NT5C2: variants seen among roughly 807,000 people sequenced by gnomAD.
NT5C2 encodes the protein 5'-nucleotidase, cytosolic II, also known as cytosolic purine 5'-nucleotidase.
In NT5C2, 58 loss-of-function variants were observed where a neutral mutation model predicts 76.1. That is an observed-to-expected ratio of 0.76 (90% confidence interval 0.62 to 0.95). The LOEUF (loss-of-function observed/expected upper bound fraction) is 0.95, where lower values mean the gene tolerates loss of function less well. NT5C2 is among the 40% of genes least tolerant of loss of function. NT5C2 has a pLI of 0.00. For synonymous variants in NT5C2, 229 were observed against 237.4 expected, an observed-to-expected ratio of 0.96 and a Z score of 0.32; for missense variants, 478 against 690.3, an observed-to-expected ratio of 0.69 and a Z score of 3.45.
intron 1 of NT5C2, among the ~76,000 whole-genome samples, chr10:103,189,002 G>A (rs570398934): frequency 1.3e-5 from 2 of 149,512 alleles, no homozygotes; most frequent in African/African-American, 4.9e-5. Context: ...ACTCCGTCTC[G>A]GAAAAAAAAA....
chr10:103,129,946 C>G (rs1301548953), intron 4 of NT5C2, among the ~76,000 whole-genome samples: 2 of 138,628 alleles, frequency 1.4e-5, no homozygotes, highest in Non-Finnish European at 3.1e-5. Flanking sequence ...GTCAGCCCCC[C>G]CGCCCGGCCA....
chr10:103,172,752 T>C (rs1468745702), intron 3 of NT5C2, among the ~76,000 whole-genome samples: 3 of 152,146 alleles, frequency 2.0e-5, no homozygotes, highest in African/African-American at 7.2e-5. Flanking sequence ...TGAGAATTGC[T>C]TGAACCCAGG....
At chr10:103,187,349 G>T (rs1304625311) in intron 1 of NT5C2, among the ~76,000 whole-genome samples, 1 of 151,896 alleles carries the variant, frequency 6.6e-6, no homozygotes, top group African/African-American at 2.4e-5. Flanking sequence ...TTCAAGACCA[G>T]CTTGGCCAAA....
chr10:103,107,660 G>A (rs993896562), intron 4 of NT5C2, among the ~76,000 whole-genome samples: 2 of 151,666 alleles, frequency 1.3e-5, no homozygotes, highest in Non-Finnish European at 1.5e-5. Flanking sequence ...GTGACAGAGC[G>A]AGACTCTGTC....
Position 103,193,241 on chromosome 10 carries a change from C to T in NT5C2, c.-174G>A, listed in dbSNP as rs1236752960. ...ACGGGGCCCGCCGCACTCACCGGCT[C>T]CAGCGCACCGCAACAATCCCAGCGC... On this transcript the variant is annotated 5_prime_UTR_variant, in exon 1 of 19. Transcript: ENST00000404739. The T allele has an allele frequency of 1.3e-5, 2 of 152,524 alleles. No homozygotes were observed. Among genetic ancestry groups the T allele is most frequent in the Non-Finnish European group, 2.9e-5 (2 of 67,974 alleles). 9.4% of individuals were successfully genotyped at this position (152,524 alleles called of 1,614,324 possible).
Position 103,094,387 on chromosome 10 carries a change from G to A in NT5C2, c.882C>T (p.Leu294=), listed in dbSNP as rs900969733. ...DLILVDARKP[L]FFGEGTVLRQ... The stretch of plus-strand genomic sequence containing the variant: ...GCAGTACTGTGCCTTCTCCAAAAAA[G>A]AGTGGTTTCCGTGCATCCACCAAGA... Residue 294 remains leucine, a synonymous_variant, in exon 13 of 19, where the codon CTC becomes CTT. Coordinates refer to ENST00000404739, the MANE Select transcript of NT5C2 (RefSeq NM_001351169.2). The A allele has an allele frequency of 1.2e-6, 2 of 1,613,370 alleles. No individual in the cohort carries two copies. The highest frequency in any genetic ancestry group is 2.2e-5 in the South Asian group (2 of 91,048).
intron 1 of NT5C2, among the ~76,000 whole-genome samples, chr10:103,184,669 G>A (rs895245947): frequency 1.3e-5 from 2 of 152,186 alleles, no homozygotes; most frequent in Non-Finnish European, 2.9e-5. Context: ...GCCTGAAAAT[G>A]CAAGAATAAC....
At chr10:103,101,174 A>AGG (rs2135082227) in intron 7 of NT5C2, 61 bp downstream of exon 7, 1 of 1,409,190 alleles carries the variant, frequency 7.1e-7, no homozygotes, top group Non-Finnish European at 1.0e-6. Flanking sequence ...CCTCCCTTGA[A>AGG]TACAGACTAA....
intron 2 of NT5C2, among the ~76,000 whole-genome samples, chr10:103,176,992 GT>G (rs2090105041): frequency 6.6e-6 from 1 of 150,822 alleles, no homozygotes; most frequent in Non-Finnish European, 1.5e-5. Flanking sequence ...CCTCAGATTT[GT>G]ACTTTTTTTT....
intron 3 of NT5C2, among the ~76,000 whole-genome samples, chr10:103,162,312 C>T (rs994700895): frequency 2.0e-5 from 3 of 152,120 alleles, no homozygotes; most frequent in African/African-American, 7.2e-5. Flanking sequence ...CCACGCCCCA[C>T]TGAAGCTGCT....
intron 4 of NT5C2, among the ~76,000 whole-genome samples, chr10:103,129,993 G>A (rs1260189826): frequency 4.0e-5 from 6 of 150,022 alleles, no homozygotes; most frequent in South Asian, 2.1e-4. Flanking sequence ...GCCTCTGCCC[G>A]GCCGCCCCTA....
intron 11 of NT5C2, among the ~76,000 whole-genome samples, 190 bp downstream of exon 11, chr10:103,097,101 G>C (rs1398572829): frequency 1.3e-5 from 2 of 152,080 alleles, no homozygotes; most frequent in African/African-American, 4.8e-5. Context: ...AGTGAAAATG[G>C]TTAAAATAAA....
At chr10:103,099,549 A>G (rs1298582185) in intron 9 of NT5C2, among the ~76,000 whole-genome samples, 3 of 152,196 alleles carry the variant, frequency 2.0e-5, no homozygotes, top group Admixed American at 1.3e-4. Context: ...TTTATTCAAT[A>G]GTTTATAATA....
chr10:103,125,771 T>C (rs1221749099), intron 4 of NT5C2, among the ~76,000 whole-genome samples: 1 of 152,220 alleles, frequency 6.6e-6, no homozygotes, highest in East Asian at 1.9e-4. Flanking sequence ...TGTTTTCTAT[T>C]TTCACTCCAT....
Position 103,101,115 on chromosome 10 carries a change from G to T in NT5C2, c.482-13C>A. 6.3e-7 allele frequency: 1 copy of T among 1,581,354 alleles called. No individual in the cohort carries two copies. Among genetic ancestry groups the T allele is most frequent in the Non-Finnish European group, 8.7e-7 (1 of 1,150,838 alleles). ...AACAGGTAGGTCTCTGAAAAATGAAGAACAGATATTCATAAGCTATAATGA... is the reference window on the plus strand; with the variant it reads ...AACAGGTAGGTCTCTGAAAAATGAATAACAGATATTCATAAGCTATAATGA... On this transcript the variant is annotated splice_polypyrimidine_tract_variant and intron_variant, in intron 7 of 18. Coordinates refer to ENST00000404739, the MANE Select transcript of NT5C2 (RefSeq NM_001351169.2).
In NT5C2 at chr10:103,094,018, A is replaced by G. The variant is rs144333777; in HGVS notation, c.942T>C (p.Ile314=). 1.8e-4 allele frequency: 290 copies of G among 1,613,704 alleles called. No individual in the cohort carries two copies. The highest frequency in any genetic ancestry group is 2.3e-4 in the Non-Finnish European group (267 of 1,179,762). The change falls in exon 14 of 19, where the codon ATT becomes ATC. Residue 314 remains isoleucine (I), a synonymous_variant. Coordinates refer to ENST00000404739, the MANE Select transcript of NT5C2 (RefSeq NM_001351169.2). The part of the protein sequence containing the change: ...QVDTKTGKLK[I]GTYTGPLQHG... ...GCTGTAGGGGCCCTGTGTAGGTACC[A>G]ATTTTCAGCTTGCCAGTTTTCTGTA... is the stretch of plus-strand genomic sequence containing the variant.
chr10:103,124,077 T>C (rs991459004), intron 4 of NT5C2, among the ~76,000 whole-genome samples: 1 of 148,058 alleles, frequency 6.8e-6, no homozygotes, highest in Non-Finnish European at 1.5e-5. Context: ...TTGTGTTAAC[T>C]TCATGAAATT....
intron 4 of NT5C2, among the ~76,000 whole-genome samples, chr10:103,122,705 G>A (rs2075899810): frequency 1.3e-5 from 2 of 152,136 alleles, no homozygotes; most frequent in Admixed American, 1.3e-4. Context: ...CCTAAAGCAG[G>A]TCATACTACT....
chr10:103,090,900 A>T, intron 17 of NT5C2, 36 bp downstream of exon 17: 1 of 1,604,214 alleles, frequency 6.2e-7, no homozygotes, highest in Non-Finnish European at 8.5e-7. Flanking sequence ...ATTTAAACTT[A>T]TTTCCCAAGT....
Sources: allele counts gnomAD v4.1 joint callset (sites outside exome capture counted in the v4.1 genomes callset), GRCh38; gene constraint gnomAD v4.1.1; transcripts MANE v1.5; gene names NCBI Gene and HGNC (gene_info 2026-07-23, HGNC 2026-07-21).